The following HOOK3 variants were observed in gnomAD, a reference collection of about 807,000 sequenced individuals.
HOOK3 encodes the protein hook microtubule tethering protein 3.
HOOK3 carries 24 observed loss-of-function variants against 116.3 expected under a neutral mutation model. The ratio of observed to expected loss-of-function variants is 0.21; its 90% confidence interval spans 0.15 to 0.29. The LOEUF is 0.29. Ranked by LOEUF, HOOK3 falls within the 10% of genes least tolerant of loss-of-function variation. The probability of loss-of-function intolerance (pLI) is 1.00; values close to 1 mark genes in which losing one functional copy is unlikely to be tolerated. For missense variants in HOOK3, 632 were observed against 830.2 expected (o/e 0.76, Z 2.93); for synonymous variants, 275 against 283.0 (o/e 0.97, Z 0.28).
intron 4 of HOOK3, among the ~76,000 whole-genome samples, chr8:42,931,344 CCCTTTAAT>C (rs2130365971): frequency 6.6e-6 from 1 of 152,020 alleles, no homozygotes; most frequent in Non-Finnish European, 1.5e-5. Context: ...ATTGTTTATT[CCCTTTAAT>C]CCTGGCCATA....
rs1215666193 is a variant in HOOK3 at position 42,986,767 on chromosome 8, C to T, written c.1504C>T (p.Arg502Cys). 6.2e-6 allele frequency: 10 copies of T among 1,613,392 alleles called. No homozygotes were observed. Among genetic ancestry groups the T allele is most frequent in the East Asian group, 2.2e-5 (1 of 44,854 alleles). The change falls in exon 15 of 22, where the codon CGC becomes TGC. Residue 502 changes from arginine (R) to cysteine (C), a missense_variant. By Grantham distance (180) the Arg-to-Cys change is radical. Coordinates refer to ENST00000307602, the MANE Select transcript of HOOK3 (RefSeq NM_032410.4). Reference protein sequence around the residue: ...LQSLLDDANLRKNELETENRL... With the variant: ...LQSLLDDANLCKNELETENRL... ...GAGCCTTCTAGATGATGCAAATCTA[C>T]GCAAGAATGAACTGGAGACAGAGAA... is the stretch of plus-strand genomic sequence containing the variant.
chr8:42,931,840 C>T (rs995218569), intron 4 of HOOK3, among the ~76,000 whole-genome samples: 13 of 150,886 alleles, frequency 8.6e-5, no homozygotes, highest in African/African-American at 2.9e-4. Flanking sequence ...CTGCAACCTC[C>T]GCCTCCTGGG....
chr8:42,968,186 G>A lies in HOOK3; in HGVS notation c.1094G>A (p.Arg365Gln), dbSNP rs1808666083. 3.7e-6 allele frequency: 6 copies of A among 1,613,506 alleles called. No homozygotes were observed. The African/African-American group carries it at 4.0e-5, about 11-fold the overall frequency. The change falls in exon 11 of 22, where the codon CGA becomes CAA. Residue 365 changes from arginine to glutamine, a missense_variant. Arg to Gln is a conservative substitution (Grantham distance 43). Transcript: ENST00000307602. ...GAGTTAAGAAAGGCCAACGCAGCGC[G>A]AAGTCAACTTGAAACCTACAAGAGA... Reference protein sequence around the residue: ...EEELRKANAARSQLETYKRQV... With the variant: ...EEELRKANAAQSQLETYKRQV...
chr8:42,948,290 C>T (rs1249210790), intron 5 of HOOK3, among the ~76,000 whole-genome samples: 2 of 152,178 alleles, frequency 1.3e-5, no homozygotes, highest in African/African-American at 4.8e-5. Context: ...GGATAAGCTA[C>T]CTCACATAGC....
At chr8:42,898,100 CT>C (rs1807082877) in intron 1 of HOOK3, among the ~76,000 whole-genome samples, 1 of 152,268 alleles carries the variant, frequency 6.6e-6, no homozygotes, top group African/African-American at 2.4e-5. Flanking sequence ...GAGAAATTCT[CT>C]TTAGCGGTGT....
chr8:42,931,259 T>TC (rs763115801), intron 4 of HOOK3, among the ~76,000 whole-genome samples: 1 of 152,136 alleles, frequency 6.6e-6, no homozygotes. Context: ...ACAGAGACTT[T>TC]CTCTGAGCAT....
intron 6 of HOOK3, among the ~76,000 whole-genome samples, chr8:42,954,443 C>T (rs937463149): frequency 2.6e-5 from 4 of 152,032 alleles, no homozygotes; most frequent in Non-Finnish European, 5.9e-5. Flanking sequence ...AATATGAAAA[C>T]AATGTATATC....
rs1336800428 is a variant in HOOK3 at position 43,019,184 on chromosome 8, A to C, written c.*686A>C. 1 of 210,768 alleles carries C rather than the reference A, an allele frequency of 4.7e-6. No individual in the cohort carries two copies. The highest frequency in any genetic ancestry group is 9.6e-6 in the Non-Finnish European group (1 of 103,830). 13.1% of individuals were successfully genotyped at this position (210,768 alleles called of 1,614,324 possible). ...ACATAAAATTTCATTATTTCCTGCT[A>C]TCTTGTTTGCTGGCAGAAGTGAATG... On this transcript the variant is annotated 3_prime_UTR_variant, in exon 22 of 22. Transcript: ENST00000307602.
chr8:42,920,643 G>T (rs1807639098), intron 2 of HOOK3, among the ~76,000 whole-genome samples: 1 of 152,196 alleles, frequency 6.6e-6, no homozygotes, highest in South Asian at 2.1e-4. Context: ...GTATGAAGGG[G>T]ATAATTAGCC....
chr8:42,983,036 A>T (rs1350980443), intron 14 of HOOK3, among the ~76,000 whole-genome samples: 2 of 152,180 alleles, frequency 1.3e-5, no homozygotes, highest in Non-Finnish European at 2.9e-5. Context: ...TTAGTTATTA[A>T]GATTTATCTG....
At chr8:43,012,401 G>A (rs1026172782) in intron 19 of HOOK3, among the ~76,000 whole-genome samples, 3 of 151,944 alleles carry the variant, frequency 2.0e-5, no homozygotes, top group South Asian at 2.1e-4. Context: ...ATAATCTTAC[G>A]GGACCACCAT....
chr8:42,983,457 T>C (rs1267835008), intron 14 of HOOK3, among the ~76,000 whole-genome samples: 1 of 152,172 alleles, frequency 6.6e-6, no homozygotes, highest in Non-Finnish European at 1.5e-5. Flanking sequence ...ATACCTTATA[T>C]TTTTAATCAT....
At chr8:42,983,694 T>C (rs1210950713) in intron 14 of HOOK3, among the ~76,000 whole-genome samples, 1 of 152,120 alleles carries the variant, frequency 6.6e-6, no homozygotes, top group Non-Finnish European at 1.5e-5. Flanking sequence ...AGGCTGGTCT[T>C]GAACTCCTTG....
rs542570678 is a variant in HOOK3, at chr8:42,996,678, T to G, written c.1533-872T>G. On this transcript the variant is annotated intron_variant, in intron 15 of 21. Coordinates refer to ENST00000307602, the MANE Select transcript of HOOK3 (RefSeq NM_032410.4). ...ACTTTGGACATACTGACCTCTGTCTTGAATCTCCTTTCCACCCTTAACTCA... is the reference window on the plus strand; with the variant it reads ...ACTTTGGACATACTGACCTCTGTCTGGAATCTCCTTTCCACCCTTAACTCA... 6.6e-5 allele frequency among the ~76,000 whole-genome samples: 10 copies of G among 152,298 alleles called. 1 individual carries two copies. In the South Asian group the frequency reaches 2.1e-3, roughly 32 times the overall value.
rs1809844401 is a variant in HOOK3, at chr8:43,022,265, C to G, written c.*3767C>G. 1 of 209,294 alleles carries G rather than the reference C, an allele frequency of 4.8e-6. No individual in the cohort carries two copies. Among genetic ancestry groups the G allele is most frequent in the Non-Finnish European group, 9.7e-6 (1 of 102,924 alleles). The allele number at this position is 209,294 out of a possible 1,614,324, so 13.0% of individuals were successfully genotyped here. A position where few individuals can be genotyped will look rare whatever the true frequency, so the allele number is the denominator to read the frequency against. ...CAGGAGATTCGTGATGTTGTCTGGT[C>G]TATCTGGAAATTTAAAGTCACTAGG... On this transcript the variant is annotated 3_prime_UTR_variant, in exon 22 of 22. Transcript: ENST00000307602.
rs534833499 is a variant in HOOK3, at chr8:42,955,992, C to T, written c.469-1102C>T. Among the ~76,000 whole-genome samples, 7 of 152,186 alleles carry T rather than the reference C, an allele frequency of 4.6e-5. No homozygotes were observed. In the South Asian group the frequency reaches 8.3e-4, roughly 18 times the overall value. ...AAGCATTCCATCCACCCCAGCCTCCCGAGTAGCTGGAACTAAAGGATGCTT... is the reference window on the plus strand; with the variant it reads ...AAGCATTCCATCCACCCCAGCCTCCTGAGTAGCTGGAACTAAAGGATGCTT... On this transcript the variant is annotated intron_variant, in intron 6 of 21. Transcript: ENST00000307602.
At chr8:42,977,740 G>T (rs779703755) in intron 13 of HOOK3, among the ~76,000 whole-genome samples, 16 of 152,038 alleles carry the variant, frequency 1.1e-4, no homozygotes, top group Non-Finnish European at 1.9e-4. Context: ...GGTGGTGCGT[G>T]CCTGTAATCC....
chr8:42,958,098 C>T (rs1252223595), intron 7 of HOOK3, among the ~76,000 whole-genome samples: 22 of 152,168 alleles, frequency 1.4e-4, no homozygotes, highest in Admixed American at 6.5e-5. Flanking sequence ...TCCCAAAGTG[C>T]TGGGGTTACA....
intron 2 of HOOK3, among the ~76,000 whole-genome samples, chr8:42,911,512 G>A (rs1807428989): frequency 6.6e-6 from 1 of 152,020 alleles, no homozygotes; most frequent in African/African-American, 2.4e-5. Flanking sequence ...GTGGGTGGGG[G>A]GATTAACAAA....
Sources: allele counts gnomAD v4.1 joint callset (sites outside exome capture counted in the v4.1 genomes callset), GRCh38; gene constraint gnomAD v4.1.1; transcripts MANE v1.5; gene names NCBI Gene and HGNC (gene_info 2026-07-23, HGNC 2026-07-21).